STRA8: variants seen among roughly 807,000 people sequenced by gnomAD.
The protein encoded by STRA8 is stimulated by retinoic acid 8, also known as stimulated by retinoic acid gene 8 protein homolog.
STRA8 carries 18 observed loss-of-function variants against 37.1 expected under a neutral mutation model. That is an observed-to-expected ratio of 0.48 (90% CI 0.34 to 0.72). The LOEUF is 0.72. STRA8 is among the 30% of genes least tolerant of loss of function. The pLI is 0.01. For missense variants in STRA8, 357 were observed against 410.4 expected (o/e 0.87, Z 1.13); for synonymous variants, 168 against 162.9 (o/e 1.03, Z -0.24).
At chr7:135,255,015 G>A (rs17168332) in intron 7 of STRA8, 99 bp from the exon 8 acceptor site, 4 of 902,062 alleles carry the variant, frequency 4.4e-6, no homozygotes, top group Non-Finnish European at 7.4e-6. Flanking sequence ...ACATGTGCTT[G>A]GTTCATACTG....
intron 2 of STRA8, 140 bp from the exon 3 acceptor site, chr7:135,242,641 C>A: frequency 2.7e-6 from 2 of 731,212 alleles, no homozygotes; most frequent in Admixed American, 2.6e-5. Flanking sequence ...ACTTCCTATT[C>A]TTTTTACTGA....
At chr7:135,250,749 A>T (rs1035129872) in intron 6 of STRA8, among the ~76,000 whole-genome samples, 1 of 152,246 alleles carries the variant, frequency 6.6e-6, no homozygotes, top group Non-Finnish European at 1.5e-5. Flanking sequence ...AATTTTTAAT[A>T]CAAAAACGTC....
intron 4 of STRA8, among the ~76,000 whole-genome samples, 172 bp from the exon 5 acceptor site, chr7:135,245,116 T>A (rs1434105886): frequency 6.6e-6 from 1 of 152,218 alleles, no homozygotes; most frequent in Non-Finnish European, 1.5e-5. Context: ...TTTTCAAATG[T>A]TGAACCAGTT....
chr7:135,232,716 C>CTG (rs1832311550), upstream of STRA8, among the ~76,000 whole-genome samples: 1 of 152,188 alleles, frequency 6.6e-6, no homozygotes, highest in African/African-American at 2.4e-5. Flanking sequence ...ATATGTGGGA[C>CTG]ATCATCTCAC....
At chr7:135,232,104 G>A (rs374945424), upstream of STRA8, 1 of 1,400,052 alleles carries the variant, frequency 7.1e-7, no homozygotes, top group East Asian at 2.3e-5. Context: ...ATCTGCTTGT[G>A]TGTGTGGCAG....
intron 6 of STRA8, among the ~76,000 whole-genome samples, chr7:135,249,386 C>T (rs953065628): frequency 1.1e-4 from 17 of 152,076 alleles, no homozygotes; most frequent in Admixed American, 4.6e-4. Flanking sequence ...GAGTTCAAGA[C>T]CAGCCTGGCC....
chr7:135,232,513 C>T (rs527442625), upstream of STRA8, among the ~76,000 whole-genome samples: 164 of 151,936 alleles, frequency 1.1e-3, no homozygotes, highest in African/African-American at 3.8e-3. Context: ...TGTGGTGGTG[C>T]GGGGCTGTAG....
intron 1 of STRA8, among the ~76,000 whole-genome samples, chr7:135,235,628 G>T (rs1198892218): frequency 1.3e-5 from 2 of 152,080 alleles, no homozygotes; most frequent in African/African-American, 4.8e-5. Flanking sequence ...TTTAGTAAGA[G>T]ACGGGGTTTC....
Position 135,258,559 on chromosome 7 carries a change from A to T in STRA8, c.*67A>T. 1 of 1,406,748 alleles carries T rather than the reference A, an allele frequency of 7.1e-7. No individual in the cohort carries two copies. The highest frequency in any genetic ancestry group is 9.8e-7 in the Non-Finnish European group (1 of 1,019,560). The allele number at this position is 1,406,748 out of a possible 1,614,324, so 87.1% of individuals were successfully genotyped here. A position where few individuals can be genotyped will look rare whatever the true frequency, so the allele number is the denominator to read the frequency against. On this transcript the variant is annotated 3_prime_UTR_variant, in exon 9 of 9. Coordinates refer to ENST00000662584, the MANE Select transcript of STRA8 (RefSeq NM_001394401.1). ...GCAGTTCCCAAGGTTGAATGCTGGCAGCTAAGGTTGCACCTGCCTTGGCCT... is the reference window on the plus strand; with the variant it reads ...GCAGTTCCCAAGGTTGAATGCTGGCTGCTAAGGTTGCACCTGCCTTGGCCT...
chr7:135,237,280 C>T (rs1330775740), intron 1 of STRA8, among the ~76,000 whole-genome samples: 1 of 152,196 alleles, frequency 6.6e-6, no homozygotes, highest in Non-Finnish European at 1.5e-5. Flanking sequence ...TTTCTCTACA[C>T]TGCTATAATT....
rs763789577 is a variant in STRA8 at position 135,251,889 on chromosome 7, A to C, written c.953+20A>C. On this transcript the variant is annotated intron_variant, in intron 7 of 8. Transcript: ENST00000662584. ...CTCCAGGTGAGGAAGAGGGTGTGAG[A>C]TAGCATGTGCCCCTGTGTGGGTGGA... The C allele has an allele frequency of 1.9e-6, 3 of 1,612,382 alleles. No individual in the cohort carries two copies. The South Asian group carries it at 3.3e-5, about 18-fold the overall frequency.
At position 135,252,013 on chromosome 7, in the gene STRA8, A is replaced by AGAGT. The variant is rs142941773; in HGVS notation, c.953+145_953+146insAGTG. The AGAGT allele has an allele frequency of 2.5e-3, 1,249 of 505,204 alleles. 1 individual carries two copies. Among genetic ancestry groups the AGAGT allele is most frequent in the Middle Eastern group, 0.015 (26 of 1,744 alleles). 31.3% of individuals were successfully genotyped at this position (505,204 alleles called of 1,614,324 possible). On this transcript the variant is annotated intron_variant, in intron 7 of 8. Transcript: ENST00000662584. ...AGAGGAGACAGAGGGAGAGAGAGAG[A>AGAGT]GTGTGTGTGTGTGTGTGTGTGTGTG...
rs557456577 is a variant in STRA8, at chr7:135,256,526, C to T, written c.1065+1301C>T. On this transcript the variant is annotated intron_variant, in intron 8 of 8. Transcript: ENST00000662584. ...TATCCATACAAAGCAAAGGTATGGC[C>T]GGGTGCAGTGGCTCACACCTGGAAT... 3.9e-5 allele frequency among the ~76,000 whole-genome samples: 6 copies of T among 152,276 alleles called. No homozygotes were observed. In the South Asian group the frequency reaches 8.3e-4, roughly 21 times the overall value.
chr7:135,249,466 C>T (rs931389622), intron 6 of STRA8, among the ~76,000 whole-genome samples: 4 of 152,098 alleles, frequency 2.6e-5, no homozygotes, highest in South Asian at 2.1e-4. Context: ...TGCCTGTAAC[C>T]CCAGCTACTC....
intron 6 of STRA8, among the ~76,000 whole-genome samples, chr7:135,248,643 C>G (rs1254091999): frequency 6.6e-6 from 1 of 152,118 alleles, no homozygotes; most frequent in Non-Finnish European, 1.5e-5. Flanking sequence ...CCCAGGAGGT[C>G]AAGGCTGCAG....
At position 135,246,849 on chromosome 7, in the gene STRA8, T is replaced by TC. The variant is rs915778799; in HGVS notation, c.879+147_879+148insC. ...TCGGTTTCTGATTTTCTTTTTTCTC[T>TC]TTTTTTTTTTTTTGAGACGGAGTCT... On this transcript the variant is annotated intron_variant, in intron 6 of 8. Transcript: ENST00000662584. This position sits in a 1 kb window ranked among gnomAD's most constrained non-coding sequence, Gnocchi z 5.4. The TC allele has an allele frequency of 2.8e-4, 23 of 80,970 alleles. No individual in the cohort carries two copies. The highest frequency in any genetic ancestry group is 1.7e-3 in the African/African-American group (21 of 12,092). 5.0% of individuals were successfully genotyped at this position (80,970 alleles called of 1,614,324 possible).
At chr7:135,257,319 A>G (rs1409753388) in intron 8 of STRA8, among the ~76,000 whole-genome samples, 3 of 152,106 alleles carry the variant, frequency 2.0e-5, no homozygotes, top group African/African-American at 7.2e-5. Flanking sequence ...GACAGACAGA[A>G]GGAGCAAAGC....
intron 7 of STRA8, 103 bp downstream of exon 7, chr7:135,251,972 T>A (rs2117820445): frequency 1.1e-6 from 1 of 891,330 alleles, no homozygotes; most frequent in Non-Finnish European, 1.7e-6. Context: ...ATGAATGTGG[T>A]AAGTCAGAGA....
chr7:135,246,147 CT>C lies in STRA8; in HGVS notation c.594-269del. The C allele has an allele frequency of 1.9e-6, 1 of 526,232 alleles. No individual in the cohort carries two copies. Among genetic ancestry groups the C allele is most frequent in the Non-Finnish European group, 3.4e-6 (1 of 294,682 alleles). 32.6% of individuals were successfully genotyped at this position (526,232 alleles called of 1,614,324 possible). On this transcript the variant is annotated intron_variant, in intron 5 of 8. Transcript: ENST00000662584. The surrounding 1 kb of genome is among the most constrained non-coding windows in gnomAD (Gnocchi z 5.4). ...GAGCTGAGGCAGCTACGCCTCTTAT[CT>C]GCTTCTGTCTAACACAGAAGGCTTC...
Sources: allele counts gnomAD v4.1 joint callset (sites outside exome capture counted in the v4.1 genomes callset), GRCh38; gene constraint gnomAD v4.1.1; non-coding constraint Gnocchi (gnomAD v3.1); transcripts MANE v1.5; gene names NCBI Gene and HGNC (gene_info 2026-07-23, HGNC 2026-07-21).